MAPK8IP3: variants seen among roughly 807,000 people sequenced by gnomAD.
MAPK8IP3 encodes C-Jun-amino-terminal kinase-interacting protein 3.
A neutral mutation model predicts 157.8 loss-of-function variants in MAPK8IP3; 49 were observed. That is an observed-to-expected ratio of 0.31 (90% CI 0.25 to 0.39). The LOEUF is 0.39. Ranked by LOEUF, MAPK8IP3 falls within the 10% of genes least tolerant of loss-of-function variation. MAPK8IP3 has a pLI of 1.00. For missense variants in MAPK8IP3, 1,478 were observed against 1,889.4 expected, an observed-to-expected ratio of 0.78 and a Z score of 4.04; for synonymous variants, 897 against 777.7, an observed-to-expected ratio of 1.15 and a Z score of -2.55.
chr16:1,738,251 CGTGTG>C (rs2040215583), intron 4 of MAPK8IP3, among the ~76,000 whole-genome samples: 1 of 77,108 alleles, frequency 1.3e-5, no homozygotes, highest in Admixed American at 1.7e-4. Flanking sequence ...TTTGAGCATC[CGTGTG>C]AGCGTGTGAC....
intron 1 of MAPK8IP3, chr16:1,707,200 AGCC>A (rs1396921946): frequency 6.5e-6 from 1 of 153,086 alleles, no homozygotes; most frequent in East Asian, 1.9e-4. Flanking sequence ...AGGGGGCTGC[AGCC>A]GTCTGTGGAT....
Position 1,768,992 on chromosome 16 carries a change from G to C in MAPK8IP3, c.*168G>C. 6 of 741,228 alleles carry C rather than the reference G, an allele frequency of 8.1e-6. No homozygotes were observed. The highest frequency in any genetic ancestry group is 2.7e-5 in the Admixed American group (1 of 37,020). 45.9% of individuals were successfully genotyped at this position (741,228 alleles called of 1,614,324 possible). On this transcript the variant is annotated 3_prime_UTR_variant, in exon 32 of 32. Transcript: ENST00000610761. ...AGCGGGCAGGGAGTGCGGGGATGCGGATCAGCTGGGAGGAGGAGGGGAGGG... is the reference window on the plus strand; with the variant it reads ...AGCGGGCAGGGAGTGCGGGGATGCGCATCAGCTGGGAGGAGGAGGGGAGGG...
At chr16:1,712,017 A>T (rs763427045) in intron 1 of MAPK8IP3, among the ~76,000 whole-genome samples, 3 of 140,292 alleles carry the variant, frequency 2.1e-5, no homozygotes, top group Non-Finnish European at 4.6e-5. Context: ...TCTAGCCGCC[A>T]CTAGGTCCTG....
intron 8 of MAPK8IP3, chr16:1,752,301 G>A (rs1231405371): frequency 2.1e-5 from 4 of 188,588 alleles, no homozygotes; most frequent in South Asian, 1.9e-4. Flanking sequence ...TGCGTTCCAC[G>A]CCCTCCGTGC....
chr16:1,763,077 C>G, intron 16 of MAPK8IP3, 71 bp downstream of exon 16: 2 of 1,582,984 alleles, frequency 1.3e-6, no homozygotes, highest in South Asian at 2.3e-5. Flanking sequence ...GGCTCCTCCC[C>G]TCCAGGCCCT....
chr16:1,761,426 G>A (rs998888744), intron 13 of MAPK8IP3, 121 bp downstream of exon 13: 30 of 870,564 alleles, frequency 3.4e-5, no homozygotes, highest in Middle Eastern at 4.4e-4. Flanking sequence ...CAGGCAGAGC[G>A]GCCACCATTC....
intron 4 of MAPK8IP3, among the ~76,000 whole-genome samples, chr16:1,739,771 C>T (rs370966718): frequency 9.4e-6 from 1 of 105,834 alleles, no homozygotes; most frequent in African/African-American, 3.8e-5. Flanking sequence ...TCCATGTGAG[C>T]GTGTCACCGT....
intron 1 of MAPK8IP3, among the ~76,000 whole-genome samples, chr16:1,723,461 T>C (rs1442185368): frequency 2.6e-5 from 4 of 151,906 alleles, no homozygotes; most frequent in African/African-American, 9.7e-5. Flanking sequence ...CTACAAAAAC[T>C]TCTTTAAAAT....
At chr16:1,758,123 CTCTG>C in intron 8 of MAPK8IP3, 21 bp from the exon 9 acceptor site, 1 of 1,613,428 alleles carries the variant, frequency 6.2e-7, no homozygotes, top group Non-Finnish European at 8.5e-7. Flanking sequence ...TCCCCTGCCT[CTCTG>C]TGCGTCGCTG....
intron 1 of MAPK8IP3, among the ~76,000 whole-genome samples, chr16:1,715,761 C>G (rs1489583033): frequency 6.6e-6 from 1 of 151,170 alleles, no homozygotes; most frequent in Non-Finnish European, 1.5e-5. Flanking sequence ...TGGAGTCTCA[C>G]TCTGTCGCCT....
At chr16:1,714,383 C>T (rs2142286729) in intron 1 of MAPK8IP3, among the ~76,000 whole-genome samples, 1 of 152,364 alleles carries the variant, frequency 6.6e-6, no homozygotes, top group Admixed American at 6.5e-5. Flanking sequence ...AGCATCATTA[C>T]TCTGGTGCAT....
intron 4 of MAPK8IP3, among the ~76,000 whole-genome samples, chr16:1,733,380 G>A (rs367849388): frequency 5.9e-5 from 9 of 152,330 alleles, no homozygotes; most frequent in African/African-American, 2.2e-4. Flanking sequence ...CACCCGAGAG[G>A]TCCTGAGAGC....
In MAPK8IP3 at chr16:1,751,195, C is replaced by T. The variant is rs2041268447; in HGVS notation, c.1216+2475C>T. 6.6e-6 allele frequency among the ~76,000 whole-genome samples: 1 copy of T among 152,064 alleles called. No individual in the cohort carries two copies. Among genetic ancestry groups the T allele is most frequent in the African/African-American group, 2.4e-5 (1 of 41,424 alleles). ...CTGAGGCCGGGCACAGTGGCTCATG[C>T]CCGTAATCCCAGCACTTTGGGAGGC... On this transcript the variant is annotated intron_variant, in intron 8 of 31. Transcript: ENST00000610761. This position sits in a 1 kb window ranked among gnomAD's most constrained non-coding sequence, Gnocchi z 5.0.
intron 8 of MAPK8IP3, among the ~76,000 whole-genome samples, chr16:1,757,895 C>A (rs11642590): frequency 0.46 from 70,328 of 152,048 alleles, 17,475 homozygotes; most frequent in East Asian, 0.65. Flanking sequence ...AGCAGGCTTC[C>A]GGGTCAGGGC....
At chr16:1,739,795 C>T (rs1436279519) in intron 4 of MAPK8IP3, among the ~76,000 whole-genome samples, 12 of 95,976 alleles carry the variant, frequency 1.3e-4, no homozygotes, top group East Asian at 3.4e-4. Context: ...TGTGAGCATC[C>T]GTGTGACCAT....
intron 4 of MAPK8IP3, among the ~76,000 whole-genome samples, chr16:1,740,211 A>T (rs185828654): frequency 3.6e-4 from 46 of 128,966 alleles, no homozygotes; most frequent in African/African-American, 1.3e-3. Context: ...CGTCCGTGTG[A>T]GCTTCCGTGT....
At chr16:1,762,317 G>A in intron 13 of MAPK8IP3, 34 bp from the exon 14 acceptor site, 2 of 1,544,298 alleles carry the variant, frequency 1.3e-6, no homozygotes, top group Non-Finnish European at 8.7e-7. Flanking sequence ...GGCCTCCGAG[G>A]GCTGGCTGAG....
intron 4 of MAPK8IP3, among the ~76,000 whole-genome samples, chr16:1,731,726 T>C (rs1179074559): frequency 6.6e-6 from 1 of 152,208 alleles, no homozygotes; most frequent in African/African-American, 2.4e-5. Flanking sequence ...TTTTGTAAAA[T>C]AAAGGAAGTA....
chr16:1,724,062 G>A lies in MAPK8IP3; in HGVS notation c.319-495G>A, dbSNP rs1360305381. On this transcript the variant is annotated intron_variant, in intron 1 of 31. Coordinates refer to ENST00000610761, the MANE Select transcript of MAPK8IP3 (RefSeq NM_001318852.2). This position sits in a 1 kb window ranked among gnomAD's most constrained non-coding sequence, Gnocchi z 4.1. ...GCTCAACCTTGTTCTTAGGCGTGGA[G>A]TTGAGGGGAGTCAGATGACTCCATT... is the stretch of plus-strand genomic sequence containing the variant. 6.6e-6 allele frequency among the ~76,000 whole-genome samples: 1 copy of A among 152,214 alleles called. No individual in the cohort carries two copies. Among genetic ancestry groups the A allele is most frequent in the Non-Finnish European group, 1.5e-5 (1 of 68,040 alleles).
Sources: gnomAD v4.1 joint callset for allele counts (sites outside exome capture counted in the v4.1 genomes callset) on GRCh38, gnomAD v4.1.1 for gene constraint, Gnocchi (gnomAD v3.1) non-coding constraint, MANE v1.5 for transcripts, NCBI Gene and HGNC (gene_info 2026-07-23, HGNC 2026-07-21) for gene names.